PACS2: variants seen among roughly 807,000 people sequenced by gnomAD.
The protein encoded by PACS2 is PACS1-like protein.
A neutral mutation model predicts 113.0 loss-of-function variants in PACS2; 36 were observed. The observed-to-expected ratio is 0.32, with a 90% CI of 0.24 to 0.42. The LOEUF is 0.42. PACS2 is among the 10% of genes least tolerant of loss of function. The probability of loss-of-function intolerance (pLI) is 1.00; values close to 1 mark genes in which losing one functional copy is unlikely to be tolerated. For synonymous variants in PACS2, 589 were observed against 536.1 expected, an observed-to-expected ratio of 1.10 and a Z score of -1.36; for missense variants, 1,015 against 1,239.5, an observed-to-expected ratio of 0.82 and a Z score of 2.72.
At position 105,384,857 on chromosome 14, in the gene PACS2, C is replaced by T. The variant is rs1555413162; in HGVS notation, c.1892-22C>T. ...CCCCACCTGGCACCAGCCTAACCCCCCACCGCCTCCTCCCCCTGCAGTACA... is the reference window on the plus strand; with the variant it reads ...CCCCACCTGGCACCAGCCTAACCCCTCACCGCCTCCTCCCCCTGCAGTACA... On this transcript the variant is annotated intron_variant, in intron 17 of 24. Transcript: ENST00000447393. 4.0e-6 allele frequency: 6 copies of T among 1,482,680 alleles called. No homozygotes were observed. The African/African-American group carries it at 6.9e-5, about 17-fold the overall frequency. The allele number at this position is 1,482,680 out of a possible 1,614,324, so 91.8% of individuals were successfully genotyped here. A position where few individuals can be genotyped will look rare whatever the true frequency, so the allele number is the denominator to read the frequency against.
intron 10 of PACS2, 50 bp downstream of exon 10, chr14:105,379,879 C>T (rs2080919615): frequency 6.4e-7 from 1 of 1,551,782 alleles, no homozygotes; most frequent in Non-Finnish European, 8.9e-7. Context: ...TCTGACTGGG[C>T]TGTGGTGTGG....
At chr14:105,335,087 C>G (rs1357432419) in intron 1 of PACS2, among the ~76,000 whole-genome samples, 2 of 152,256 alleles carry the variant, frequency 1.3e-5, no homozygotes, top group African/African-American at 2.4e-5. Context: ...ACAGGGCCTC[C>G]TGATGACTGG....
chr14:105,321,204 T>C (rs1471154350), intron 1 of PACS2, among the ~76,000 whole-genome samples: 1 of 152,204 alleles, frequency 6.6e-6, no homozygotes, highest in Admixed American at 6.6e-5. Context: ...AATGTGTGTT[T>C]GGCAGTTGAT....
intron 24 of PACS2, chr14:105,394,094 A>G: frequency 2.1e-6 from 1 of 470,110 alleles, no homozygotes; most frequent in Non-Finnish European, 2.8e-6. Flanking sequence ...TAACTGTTTC[A>G]GAAACGGAGC....
chr14:105,352,573 C>T, intron 3 of PACS2, 106 bp downstream of exon 3: 1 of 632,026 alleles, frequency 1.6e-6, no homozygotes, highest in Non-Finnish European at 2.9e-6. Flanking sequence ...CATCACTGTC[C>T]CCTGGGGTGA....
rs2059230463 is a variant in PACS2 at position 105,329,666 on chromosome 14, C to T, written c.119+14629C>T. 6.6e-6 allele frequency among the ~76,000 whole-genome samples: 1 copy of T among 152,256 alleles called. No individual in the cohort carries two copies. The highest frequency in any genetic ancestry group is 2.1e-4 in the South Asian group (1 of 4,820). ...GATGGCTCAGGGAGGTCCAGACAGC[C>T]CCCTTGTCTAGGTGCGCACCTGGAG... On this transcript the variant is annotated intron_variant, in intron 1 of 24. Transcript: ENST00000447393. The surrounding 1 kb of genome is among the most constrained non-coding windows in gnomAD (Gnocchi z 6.4).
At position 105,391,758 on chromosome 14, in the gene PACS2, C is replaced by T. The variant is rs1186671810; in HGVS notation, c.2247C>T (p.Ser749=). The change falls in exon 22 of 25, where the codon TCC becomes TCT. Residue 749 remains serine, a synonymous_variant. Coordinates refer to ENST00000447393, the MANE Select transcript of PACS2 (RefSeq NM_001100913.3). ...PSSPSVSGGL[S]SPSQGVGAEL... ...CCCCGTCGGTGAGCGGAGGCCTGTC[C>T]TCCCCCAGGTAAAGGTGCCTCACGG... 1.3e-6 allele frequency: 2 copies of T among 1,593,258 alleles called. No individual in the cohort carries two copies. Among genetic ancestry groups the T allele is most frequent in the East Asian group, 2.3e-5 (1 of 43,998 alleles).
chr14:105,394,523 G>T (rs782249582), intron 24 of PACS2, 31 bp from the exon 25 acceptor site: 15 of 1,608,462 alleles, frequency 9.3e-6, no homozygotes, highest in Non-Finnish European at 2.5e-6. Flanking sequence ...CCGGGCAGGG[G>T]GGCAGGCGGT....
In PACS2 at chr14:105,340,785, G is replaced by C. The variant is rs2140960374; in HGVS notation, c.120-7708G>C. Among the ~76,000 whole-genome samples the C allele has an allele frequency of 6.6e-6, 1 of 152,368 alleles. No homozygotes were observed. The highest frequency in any genetic ancestry group is 1.9e-4 in the East Asian group (1 of 5,180). ...GTCCATGGTCCAGGGCTGGCCAGGGGCATCTCCTGTCCTGGCTTGGCTTCT... is the reference window on the plus strand; with the variant it reads ...GTCCATGGTCCAGGGCTGGCCAGGGCCATCTCCTGTCCTGGCTTGGCTTCT... On this transcript the variant is annotated intron_variant, in intron 1 of 24. Transcript: ENST00000447393. The surrounding 1 kb of genome is among the most constrained non-coding windows in gnomAD (Gnocchi z 4.2).
chr14:105,301,014 G>C (rs889416528), intron 1 of PACS2: 1 of 152,998 alleles, frequency 6.5e-6, no homozygotes, highest in African/African-American at 2.4e-5. Flanking sequence ...TTGGGGGCGG[G>C]GCCACGGCGG....
intron 12 of PACS2, 73 bp downstream of exon 12, chr14:105,381,172 G>A (rs1555411943): frequency 1.4e-5 from 19 of 1,388,300 alleles, no homozygotes; most frequent in South Asian, 2.6e-5. Flanking sequence ...GGCATCAGTC[G>A]GGGTGGGTGC....
chr14:105,311,705 G>A (rs186744718), upstream of PACS2, among the ~76,000 whole-genome samples: 8 of 152,322 alleles, frequency 5.3e-5, no homozygotes, highest in East Asian at 3.9e-4. Flanking sequence ...AAGGGTGACC[G>A]TGGGAACTGT....
At chr14:105,367,913 G>A (rs2060997269) in intron 5 of PACS2, among the ~76,000 whole-genome samples, 161 bp from the exon 6 acceptor site, 1 of 152,222 alleles carries the variant, frequency 6.6e-6, no homozygotes, top group Non-Finnish European at 1.5e-5. Context: ...GGGACTCGGG[G>A]GCTCGGGGCC....
chr14:105,394,610 T>G lies in PACS2; in HGVS notation c.2653T>G (p.Trp885Gly). 1 of 1,613,448 alleles carries G rather than the reference T, an allele frequency of 6.2e-7. No homozygotes were observed. The highest frequency in any genetic ancestry group is 8.5e-7 in the Non-Finnish European group (1 of 1,179,980). The change falls in exon 25 of 25, where the codon TGG becomes GGG. Residue 885 changes from tryptophan to glycine, a missense_variant. Physicochemically the swap from Trp to Gly is radical, Grantham distance 184. Around this residue, in one of 3 missense-constraint regions of PACS2, gnomAD observed 859 missense variants for 1,056.8 expected, o/e 0.81. Coordinates refer to ENST00000447393, the MANE Select transcript of PACS2 (RefSeq NM_001100913.3). ...DVKFFQLAAQ[W>G]SSHVKHFPIC... is the part of the protein sequence containing the mutation. ...CAAGTTCTTCCAGCTGGCCGCGCAG[T>G]GGTCCTCGCACGTGAAGCACTTCCC...
intron 1 of PACS2, among the ~76,000 whole-genome samples, chr14:105,307,619 GCAGT>G (rs1331804407): frequency 6.6e-6 from 1 of 152,136 alleles, no homozygotes; most frequent in African/African-American, 2.4e-5. Flanking sequence ...CCCCCATGCA[GCAGT>G]CAGCAGGGGA....
At position 105,335,877 on chromosome 14, in the gene PACS2, T is replaced by G. The variant is rs587765052; in HGVS notation, c.120-12616T>G. On this transcript the variant is annotated intron_variant, in intron 1 of 24. Transcript: ENST00000447393. The stretch of plus-strand genomic sequence containing the variant: ...CGGGCTGGGTGGTAAGTGCTGGTGA[T>G]GCAGGAGCAGAGAGCCCCGTGGAAC... Among the ~76,000 whole-genome samples the G allele has an allele frequency of 3.3e-5, 5 of 152,330 alleles. No individual in the cohort carries two copies. In the East Asian group the frequency reaches 7.7e-4, roughly 24 times the overall value.
At chr14:105,377,153 G>T (rs1313031258) in intron 9 of PACS2, among the ~76,000 whole-genome samples, 1 of 152,194 alleles carries the variant, frequency 6.6e-6, no homozygotes, top group Non-Finnish European at 1.5e-5. Flanking sequence ...AGGCCAGGGG[G>T]TGCAAGCTCT....
intron 1 of PACS2, among the ~76,000 whole-genome samples, chr14:105,308,489 T>C (rs1469634315): frequency 6.7e-6 from 1 of 150,238 alleles, no homozygotes; most frequent in South Asian, 2.1e-4. Flanking sequence ...GTCTTTTTTT[T>C]TTTTTTTTTT....
At chr14:105,352,085 G>T (rs2060200983) in intron 2 of PACS2, among the ~76,000 whole-genome samples, 1 of 152,190 alleles carries the variant, frequency 6.6e-6, no homozygotes, top group African/African-American at 2.4e-5. Context: ...CCTGGCCGTG[G>T]AATCTGTTTT....
Sources: allele counts gnomAD v4.1 joint callset (sites outside exome capture counted in the v4.1 genomes callset), GRCh38; gene constraint gnomAD v4.1.1; regional missense constraint gnomAD v4.1.1; non-coding constraint Gnocchi (gnomAD v3.1); transcripts MANE v1.5; gene names NCBI Gene and HGNC (gene_info 2026-07-23, HGNC 2026-07-21).